CREB5: variants seen among roughly 807,000 people sequenced by gnomAD.
The protein encoded by CREB5 is cAMP responsive element binding protein 5.
In CREB5, 19 loss-of-function variants were observed where a neutral mutation model predicts 57.1. That is an observed-to-expected ratio of 0.33 (90% CI 0.23 to 0.49). The LOEUF (loss-of-function observed/expected upper bound fraction) is 0.49. CREB5 is among the 20% of genes least tolerant of loss of function. CREB5 has a pLI of 0.99. For missense variants in CREB5, 579 were observed against 671.6 expected, an observed-to-expected ratio of 0.86 and a Z score of 1.52; for synonymous variants, 238 against 238.3, an observed-to-expected ratio of 1.00 and a Z score of 0.01.
intron 1 of CREB5, among the ~76,000 whole-genome samples, chr7:28,381,618 C>T (rs771353717): frequency 2.0e-5 from 3 of 152,202 alleles, no homozygotes; most frequent in Admixed American, 6.5e-5. Flanking sequence ...AAACACATTC[C>T]TCTGCCCTCA....
At chr7:28,817,683 A>G (rs748322225) in intron 9 of CREB5, among the ~76,000 whole-genome samples, 255 of 152,296 alleles carry the variant, frequency 1.7e-3, no homozygotes, top group Non-Finnish European at 2.9e-3. Context: ...CCTCATAGTA[A>G]CACAAATAAT....
chr7:28,768,227 G>C (rs892360227), intron 7 of CREB5, among the ~76,000 whole-genome samples: 1 of 152,144 alleles, frequency 6.6e-6, no homozygotes, highest in Non-Finnish European at 1.5e-5. Flanking sequence ...AAGAAGACAG[G>C]CTAGTGAAGA....
Position 28,805,557 on chromosome 7 carries a change from T to C in CREB5, c.1026+1035T>C, listed in dbSNP as rs79191946. 4.9e-4 allele frequency among the ~76,000 whole-genome samples: 75 copies of C among 152,286 alleles called. No homozygotes were observed. In the East Asian group the frequency reaches 9.5e-3, roughly 19 times the overall value. On this transcript the variant is annotated intron_variant, in intron 8 of 10. Coordinates refer to ENST00000357727, the MANE Select transcript of CREB5 (RefSeq NM_182898.4). ...CTTTATACCCGGCAGCTTTTTGAAC[T>C]CTTGAGCCCCCCTCCATTAACATGC...
intron 1 of CREB5, among the ~76,000 whole-genome samples, chr7:28,333,112 A>G (rs529000480): frequency 1.8e-4 from 27 of 152,366 alleles, no homozygotes; most frequent in African/African-American, 6.5e-4. Context: ...ACAGCTATGA[A>G]GTGGGAATGC....
At chr7:28,686,901 T>TTC (rs142387642) in intron 5 of CREB5, among the ~76,000 whole-genome samples, 1 of 152,112 alleles carries the variant, frequency 6.6e-6, no homozygotes, top group Non-Finnish European at 1.5e-5. Flanking sequence ...TCTGCCAGGA[T>TTC]TCTCTCTCTC....
chr7:28,479,187 TGG>T (rs1264129447), intron 1 of CREB5, among the ~76,000 whole-genome samples: 3 of 152,152 alleles, frequency 2.0e-5, no homozygotes, highest in Non-Finnish European at 4.4e-5. Flanking sequence ...GAGGCAGTTG[TGG>T]GTACTTATAC....
At chr7:28,563,023 A>G (rs1052563906) in intron 4 of CREB5, among the ~76,000 whole-genome samples, 3 of 152,166 alleles carry the variant, frequency 2.0e-5, no homozygotes, top group African/African-American at 2.4e-5. Context: ...TGGCTGTGTG[A>G]TTTTGAACAA....
chr7:28,795,978 C>T (rs979551579), intron 7 of CREB5, among the ~76,000 whole-genome samples: 7 of 152,080 alleles, frequency 4.6e-5, no homozygotes, highest in Admixed American at 3.9e-4. Context: ...GTCTCAACCT[C>T]CTGACCTCAA....
intron 5 of CREB5, among the ~76,000 whole-genome samples, chr7:28,677,871 G>A (rs1800390781): frequency 6.7e-6 from 1 of 150,134 alleles, no homozygotes; most frequent in Non-Finnish European, 1.5e-5. Flanking sequence ...CCTGGGCAAT[G>A]CAGTGAGACC....
chr7:28,408,996 G>A (rs906464304), upstream of CREB5, among the ~76,000 whole-genome samples: 4 of 151,798 alleles, frequency 2.6e-5, no homozygotes, highest in Non-Finnish European at 5.9e-5. Flanking sequence ...ACCCCATCAG[G>A]CCCTCCCCGC....
intron 4 of CREB5, 142 bp downstream of exon 4, chr7:28,507,879 A>G: frequency 1.9e-6 from 2 of 1,039,284 alleles, no homozygotes; most frequent in Non-Finnish European, 2.6e-6. Flanking sequence ...AATTTTTTTT[A>G]AAAGATTACT....
chr7:28,469,574 CT>C (rs1162158173), intron 1 of CREB5, among the ~76,000 whole-genome samples: 1 of 152,186 alleles, frequency 6.6e-6, no homozygotes, highest in East Asian at 1.9e-4. Context: ...CCACACTATT[CT>C]TGCTTGTTAT....
chr7:28,421,124 C>A (rs1279670197), intron 1 of CREB5, among the ~76,000 whole-genome samples: 1 of 152,140 alleles, frequency 6.6e-6, no homozygotes, highest in Non-Finnish European at 1.5e-5. Context: ...TAGGTGATTC[C>A]TATTCCTCCC....
At chr7:28,353,199 C>T (rs979326285) in intron 1 of CREB5, among the ~76,000 whole-genome samples, 2 of 152,146 alleles carry the variant, frequency 1.3e-5, no homozygotes, top group African/African-American at 2.4e-5. Flanking sequence ...AAGTGATTGT[C>T]CTGCCTCAGC....
At chr7:28,688,415 C>T (rs559590652) in intron 5 of CREB5, among the ~76,000 whole-genome samples, 1 of 152,174 alleles carries the variant, frequency 6.6e-6, no homozygotes, top group Admixed American at 6.5e-5. Context: ...TGGAGCAGAA[C>T]AGTATTTTCA....
intron 5 of CREB5, among the ~76,000 whole-genome samples, chr7:28,686,937 T>C (rs1269477225): frequency 2.0e-5 from 3 of 152,006 alleles, no homozygotes; most frequent in African/African-American, 7.3e-5. Flanking sequence ...TTAAAACTGT[T>C]GTCTTTTCAT....
intron 5 of CREB5, among the ~76,000 whole-genome samples, chr7:28,656,126 C>T (rs1425745617): frequency 6.6e-6 from 1 of 152,132 alleles, no homozygotes; most frequent in Admixed American, 6.6e-5. Context: ...CCAGCTTTAC[C>T]CCTATGTGGA....
At chr7:28,444,912 A>T (rs1055231394) in intron 1 of CREB5, among the ~76,000 whole-genome samples, 2 of 152,196 alleles carry the variant, frequency 1.3e-5, no homozygotes, top group Non-Finnish European at 2.9e-5. Context: ...ATGGTAATCC[A>T]GAAAGTAAGT....
intron 5 of CREB5, among the ~76,000 whole-genome samples, chr7:28,670,317 C>T (rs919092838): frequency 2.0e-5 from 3 of 152,202 alleles, no homozygotes; most frequent in Non-Finnish European, 4.4e-5. Flanking sequence ...CAAAATATCT[C>T]ATTGTACCGT....
Sources: allele counts gnomAD v4.1 joint callset (sites outside exome capture counted in the v4.1 genomes callset), GRCh38; gene constraint gnomAD v4.1.1; transcripts MANE v1.5; gene names NCBI Gene and HGNC (gene_info 2026-07-23, HGNC 2026-07-21).